NFATC1: variants seen among roughly 807,000 people sequenced by gnomAD.
NFATC1 encodes the protein nuclear factor of activated T cells 1, also known as nuclear factor of activated T-cells, cytoplasmic 1.
In NFATC1, 22 loss-of-function variants were observed where a neutral mutation model predicts 76.0. The observed-to-expected ratio is 0.29, with a 90% CI of 0.21 to 0.41. The LOEUF is 0.41. NFATC1 is among the 10% of genes least tolerant of loss of function. The probability of loss-of-function intolerance (pLI) is 1.00; values close to 1 mark genes in which losing one functional copy is unlikely to be tolerated. For missense variants in NFATC1, 1,357 were observed against 1,337.7 expected (o/e 1.01, Z -0.23); for synonymous variants, 704 against 613.1 (o/e 1.15, Z -2.19).
intron 1 of NFATC1, among the ~76,000 whole-genome samples, chr18:79,397,677 G>A (rs1477884714): frequency 2.0e-5 from 3 of 152,148 alleles, no homozygotes; most frequent in Admixed American, 1.3e-4. Flanking sequence ...TTTAAATCCT[G>A]GGACACTTAC....
Position 79,425,819 on chromosome 18 carries a change from A to G in NFATC1, c.1227-7760A>G, listed in dbSNP as rs2086308408. On this transcript the variant is annotated intron_variant, in intron 2 of 9. Coordinates refer to ENST00000427363, the MANE Select transcript of NFATC1 (RefSeq NM_001278669.2). ...GGAGGAGCTGGGCAGAGGTTGAGACACAAGACCTGAGAGCAGAGCAAAGTT... is the reference window on the plus strand; with the variant it reads ...GGAGGAGCTGGGCAGAGGTTGAGACGCAAGACCTGAGAGCAGAGCAAAGTT... Among the ~76,000 whole-genome samples the G allele has an allele frequency of 2.0e-5, 3 of 152,242 alleles. No individual in the cohort carries two copies. In the South Asian group the frequency reaches 6.2e-4, roughly 31 times the overall value.
chr18:79,518,182 G>A (rs143802357), intron 9 of NFATC1, among the ~76,000 whole-genome samples: 134 of 152,350 alleles, frequency 8.8e-4, no homozygotes, highest in Non-Finnish European at 1.5e-3. Flanking sequence ...TGGGCCTGGC[G>A]TGCAGGTGAC....
chr18:79,439,796 C>T (rs533862663), intron 3 of NFATC1, among the ~76,000 whole-genome samples: 6 of 152,192 alleles, frequency 3.9e-5, no homozygotes, highest in Non-Finnish European at 7.3e-5. Context: ...GCAAAGCCCA[C>T]GGGCTCTGTT....
chr18:79,486,262 A>G lies in NFATC1; in HGVS notation c.2107A>G (p.Thr703Ala), dbSNP rs2089490884. The G allele has an allele frequency of 3.1e-6, 5 of 1,605,166 alleles. No individual in the cohort carries two copies. The highest frequency in any genetic ancestry group is 3.4e-6 in the Non-Finnish European group (4 of 1,174,162). Residue 703 changes from threonine (T) to alanine (A), a missense_variant, in exon 9 of 10, where the codon ACA (threonine) becomes GCA (alanine). Transcript: ENST00000427363. ...CCTTCTCACAGTTCCAATTATAAAAACAGAACCCACTGATGATTATGAGCC... is the reference window on the plus strand; with the variant it reads ...CCTTCTCACAGTTCCAATTATAAAAGCAGAACCCACTGATGATTATGAGCC... ...YLPANVPIIKTEPTDDYEPAP... is the reference protein window; with the variant it reads ...YLPANVPIIKAEPTDDYEPAP...
At chr18:79,451,637 T>A in intron 5 of NFATC1, 39 bp from the exon 6 acceptor site, 4 of 1,513,350 alleles carry the variant, frequency 2.6e-6, no homozygotes, top group Non-Finnish European at 3.5e-6. Flanking sequence ...GGCCGCCCAC[T>A]CAGGACAGGC....
chr18:79,414,689 A>G (rs1033588474), intron 2 of NFATC1, among the ~76,000 whole-genome samples: 5 of 152,174 alleles, frequency 3.3e-5, no homozygotes, highest in Non-Finnish European at 7.4e-5. Context: ...CAGGAATCAC[A>G]GGCCACCTGC....
intron 3 of NFATC1, among the ~76,000 whole-genome samples, chr18:79,438,939 C>T (rs1568962904): frequency 6.6e-6 from 1 of 152,238 alleles, no homozygotes; most frequent in East Asian, 1.9e-4. Flanking sequence ...AACTTGACAG[C>T]TGAAGACCAA....
At chr18:79,450,900 T>C (rs2087442869) in intron 4 of NFATC1, 54 bp from the exon 5 acceptor site, 1 of 1,575,456 alleles carries the variant, frequency 6.3e-7, no homozygotes, top group Non-Finnish European at 8.6e-7. Flanking sequence ...GCCAGGCCTT[T>C]ACGCTCCCGC....
Position 79,467,334 on chromosome 18 carries a change from C to T in NFATC1, c.1960-116C>T, listed in dbSNP as rs1008744401. The T allele has an allele frequency of 2.2e-5, 22 of 996,488 alleles. No individual in the cohort carries two copies. The African/African-American group carries it at 3.5e-4, about 16-fold the overall frequency. 61.7% of individuals were successfully genotyped at this position (996,488 alleles called of 1,614,324 possible). A position where few individuals can be genotyped will look rare whatever the true frequency, so the allele number is the denominator to read the frequency against. On this transcript the variant is annotated intron_variant, in intron 7 of 9. Transcript: ENST00000427363. Reference sequence around the variant, plus strand: ...GGTTGCCGTGTGGCCGCCGTGGAAACGCGGGGTTGCCGTGTGGCCGCCGTG... The same window carrying T: ...GGTTGCCGTGTGGCCGCCGTGGAAATGCGGGGTTGCCGTGTGGCCGCCGTG...
intron 9 of NFATC1, among the ~76,000 whole-genome samples, chr18:79,514,369 G>A (rs142451036): frequency 4.6e-5 from 7 of 151,976 alleles, no homozygotes; most frequent in African/African-American, 1.4e-4. Flanking sequence ...GAGCCCAGGA[G>A]TTCCAGACCA....
chr18:79,462,475 T>G (rs1398765049), intron 7 of NFATC1, among the ~76,000 whole-genome samples: 1 of 152,162 alleles, frequency 6.6e-6, no homozygotes, highest in African/African-American at 2.4e-5. Flanking sequence ...CGGCTAATTT[T>G]GTAATTTTAG....
intron 2 of NFATC1, chr18:79,421,146 G>A (rs533132537): frequency 2.0e-4 from 30 of 152,396 alleles, no homozygotes; most frequent in African/African-American, 7.2e-4. Flanking sequence ...GCCGTGATGT[G>A]TGTCAGGAAC....
chr18:79,412,897 A>C (rs748464200), intron 2 of NFATC1, among the ~76,000 whole-genome samples: 1 of 152,198 alleles, frequency 6.6e-6, no homozygotes, highest in Non-Finnish European at 1.5e-5. Flanking sequence ...TTCTGTTTTT[A>C]ATACATTAAG....
At chr18:79,443,430 AC>A (rs985650203) in intron 3 of NFATC1, among the ~76,000 whole-genome samples, 3 of 152,046 alleles carry the variant, frequency 2.0e-5, no homozygotes, top group African/African-American at 7.2e-5. Context: ...CCCACTACTC[AC>A]CCAGGGCCTC....
intron 3 of NFATC1, among the ~76,000 whole-genome samples, chr18:79,437,002 G>C (rs192867236): frequency 2.6e-5 from 4 of 152,280 alleles, no homozygotes; most frequent in South Asian, 2.1e-4. Flanking sequence ...CTGCCACGGC[G>C]CTAAAAACAC....
At chr18:79,488,744 A>C (rs2089595357) in intron 9 of NFATC1, among the ~76,000 whole-genome samples, 1 of 152,062 alleles carries the variant, frequency 6.6e-6, no homozygotes. Flanking sequence ...GCTTTGTCTC[A>C]CGCGGTACCA....
intron 2 of NFATC1, 118 bp downstream of exon 2, chr18:79,411,619 A>AT: frequency 1.2e-6 from 1 of 840,470 alleles, no homozygotes; most frequent in Non-Finnish European, 1.5e-6. Context: ...GAGAGTCAGG[A>AT]CCTGGGTGGG....
Position 79,467,431 on chromosome 18 carries a change from G to A in NFATC1, c.1960-19G>A, listed in dbSNP as rs754434597. On this transcript the variant is annotated intron_variant, in intron 7 of 9. Coordinates refer to ENST00000427363, the MANE Select transcript of NFATC1 (RefSeq NM_001278669.2). Reference sequence around the variant, plus strand: ...CTGCCCGGTGCTGATTGTGCCTCCTGTGTGCCCTTCTCCTGTAGAATTCTC... The same window carrying A: ...CTGCCCGGTGCTGATTGTGCCTCCTATGTGCCCTTCTCCTGTAGAATTCTC... The A allele has an allele frequency of 6.4e-7, 1 of 1,571,306 alleles. No homozygotes were observed. Among genetic ancestry groups the A allele is most frequent in the South Asian group, 1.2e-5 (1 of 86,878 alleles).
intron 8 of NFATC1, among the ~76,000 whole-genome samples, chr18:79,482,660 C>T (rs1166362695): frequency 5.8e-5 from 7 of 121,212 alleles, no homozygotes; most frequent in South Asian, 2.7e-4. Context: ...GGTGTAATTC[C>T]AGCGTGACCT....
Sources: gnomAD v4.1 joint callset for allele counts (sites outside exome capture counted in the v4.1 genomes callset) on GRCh38, gnomAD v4.1.1 for gene constraint, MANE v1.5 for transcripts, NCBI Gene and HGNC (gene_info 2026-07-23, HGNC 2026-07-21) for gene names.